Variants in FARS2 observed in about 807,000 individuals in gnomAD.
The protein encoded by FARS2 is phenylalanine--tRNA ligase, mitochondrial.
A neutral mutation model predicts 46.4 loss-of-function variants in FARS2; 40 were observed. The ratio of observed to expected loss-of-function variants is 0.86; its 90% CI spans 0.67 to 1.12. The LOEUF (loss-of-function observed/expected upper bound fraction) is 1.12. Among genes scored for constraint, FARS2 ranks in the 50% most tolerant of loss-of-function variants. The pLI, the probability that FARS2 is intolerant of heterozygous loss-of-function variation, is 0.00. For synonymous variants in FARS2, 234 were observed against 214.9 expected (o/e 1.09, Z -0.78); for missense variants, 513 against 567.9 (o/e 0.90, Z 0.98).
chr6:5,626,768 A>G (rs1214187637), intron 6 of FARS2, among the ~76,000 whole-genome samples: 1 of 152,232 alleles, frequency 6.6e-6, no homozygotes, highest in East Asian at 1.9e-4. Flanking sequence ...GAACATAACT[A>G]TAGTCATGCA....
In FARS2 at chr6:5,581,934, C is replaced by G. The variant is rs1293534125; in HGVS notation, c.1066-31235C>G. On this transcript the variant is annotated intron_variant, in intron 5 of 6. Coordinates refer to ENST00000274680, the MANE Select transcript of FARS2 (RefSeq NM_006567.5). ...GCGCTTCTATAAATGGTCACAGTAA[C>G]ATACTTCCGGTTAATTCCTGATGTG... 2.0e-5 allele frequency among the ~76,000 whole-genome samples: 3 copies of G among 148,704 alleles called. No homozygotes were observed. In the East Asian group the frequency reaches 6.0e-4, roughly 30 times the overall value.
intron 6 of FARS2, among the ~76,000 whole-genome samples, chr6:5,691,538 G>A (rs1292379851): frequency 3.3e-5 from 5 of 152,158 alleles, no homozygotes; most frequent in Admixed American, 6.5e-5. Flanking sequence ...CTGCCTGATC[G>A]TTCCTCTGGA....
intron 5 of FARS2, among the ~76,000 whole-genome samples, chr6:5,602,670 A>AAAGGG (rs1554114901): frequency 5.1e-5 from 7 of 137,682 alleles, no homozygotes; most frequent in Admixed American, 1.6e-4. Context: ...AAAAAAAAAA[A>AAAGGG]GGGAACCTCC....
intron 1 of FARS2, among the ~76,000 whole-genome samples, chr6:5,292,350 T>C (rs1767563872): frequency 6.6e-6 from 1 of 152,218 alleles, no homozygotes; most frequent in African/African-American, 2.4e-5. Context: ...GAGGCATGTG[T>C]GTGAATTGGT....
At chr6:5,577,057 T>C (rs1286910768) in intron 5 of FARS2, among the ~76,000 whole-genome samples, 4 of 142,948 alleles carry the variant, frequency 2.8e-5, no homozygotes, top group Non-Finnish European at 6.1e-5. Flanking sequence ...ATTTCATGTA[T>C]ATAAATTTTA....
At chr6:5,726,626 GA>G (rs1338300560) in intron 6 of FARS2, among the ~76,000 whole-genome samples, 2 of 152,198 alleles carry the variant, frequency 1.3e-5, no homozygotes, top group Non-Finnish European at 2.9e-5. Flanking sequence ...GTAAAGGAGG[GA>G]GCATGTGCCC....
At chr6:5,369,287 C>A in intron 2 of FARS2, 105 bp downstream of exon 2, 1 of 1,173,854 alleles carries the variant, frequency 8.5e-7, no homozygotes, top group Non-Finnish European at 1.2e-6. Context: ...CCTTGCTTGC[C>A]TTATTTTGCC....
intron 6 of FARS2, among the ~76,000 whole-genome samples, chr6:5,663,863 G>A (rs1446712577): frequency 6.6e-6 from 1 of 152,244 alleles, no homozygotes; most frequent in Non-Finnish European, 1.5e-5. Context: ...CAGGGAAGAT[G>A]TACTCAGCAC....
chr6:5,302,947 G>A (rs1285072341), intron 1 of FARS2, among the ~76,000 whole-genome samples: 4 of 152,182 alleles, frequency 2.6e-5, no homozygotes, highest in African/African-American at 7.2e-5. Context: ...GCTGAGGAAC[G>A]AGAGTAAATA....
chr6:5,390,838 C>T (rs564260945), intron 2 of FARS2, among the ~76,000 whole-genome samples: 4 of 152,262 alleles, frequency 2.6e-5, no homozygotes, highest in Admixed American at 2.0e-4. Context: ...CACACAGTGC[C>T]TTCTTATGAA....
At chr6:5,705,651 G>T (rs998717922) in intron 6 of FARS2, among the ~76,000 whole-genome samples, 54 of 152,230 alleles carry the variant, frequency 3.5e-4, no homozygotes, top group African/African-American at 1.2e-3. Context: ...CTGCCCTTTT[G>T]GTCCCATCAT....
intron 6 of FARS2, among the ~76,000 whole-genome samples, chr6:5,732,392 A>G (rs565208315): frequency 6.6e-6 from 1 of 152,194 alleles, no homozygotes; most frequent in Non-Finnish European, 1.5e-5. Flanking sequence ...GGAAAGCCTC[A>G]CAGTCGGGCC....
At chr6:5,306,253 T>C (rs1217690750) in intron 1 of FARS2, among the ~76,000 whole-genome samples, 1 of 152,168 alleles carries the variant, frequency 6.6e-6, no homozygotes, top group Non-Finnish European at 1.5e-5. Flanking sequence ...TTTGGTTGTG[T>C]AGTTGAGATT....
intron 1 of FARS2, among the ~76,000 whole-genome samples, chr6:5,358,903 T>C (rs1214756394): frequency 2.6e-5 from 4 of 152,164 alleles, no homozygotes; most frequent in Admixed American, 6.5e-5. Context: ...ATGTTTCTCA[T>C]GGGTATAGAA....
rs146782489 is a variant in FARS2, at chr6:5,763,178, C to T, written c.1218-8113C>T. Among the ~76,000 whole-genome samples, 54 of 152,226 alleles carry T rather than the reference C, an allele frequency of 3.5e-4. 1 individual carries two copies. The highest frequency in any genetic ancestry group is 1.3e-3 in the African/African-American group (52 of 41,538). ...GGCTCCCATCGCTCATATCATGGGC[C>T]CATCCTAGCCTTGCCCTTTCTTCCT... On this transcript the variant is annotated intron_variant, in intron 6 of 6. Coordinates refer to ENST00000274680, the MANE Select transcript of FARS2 (RefSeq NM_006567.5).
rs570614289 is a variant in FARS2, at chr6:5,306,903, A to AT, written c.-22+45249dup. Among the ~76,000 whole-genome samples, 352 of 152,020 alleles carry AT rather than the reference A, an allele frequency of 2.3e-3. 1 individual carries two copies. Among genetic ancestry groups the AT allele is most frequent in the Non-Finnish European group, 4.4e-3 (301 of 68,010 alleles). On this transcript the variant is annotated intron_variant, in intron 1 of 6. Coordinates refer to ENST00000274680, the MANE Select transcript of FARS2 (RefSeq NM_006567.5). The stretch of plus-strand genomic sequence containing the variant: ...TTTGCTTGGTTTTGAAAGGATTAAC[A>AT]TTTTTTAACTGATAAATACGAATTT...
intron 6 of FARS2, among the ~76,000 whole-genome samples, chr6:5,637,521 A>C (rs73360292): frequency 0.013 from 1,987 of 152,296 alleles, 61 homozygotes; most frequent in African/African-American, 0.046. Context: ...AGCAGTCAAA[A>C]TCCAGGACCA....
chr6:5,431,281 G>A (rs979243334), intron 4 of FARS2, 109 bp downstream of exon 4: 23 of 1,086,774 alleles, frequency 2.1e-5, no homozygotes, highest in East Asian at 1.7e-4. Context: ...TGCGGGCAGC[G>A]GCATCACTGG....
intron 3 of FARS2, among the ~76,000 whole-genome samples, chr6:5,405,009 A>G (rs1228490668): frequency 1.3e-5 from 2 of 151,814 alleles, no homozygotes; most frequent in African/African-American, 2.4e-5. Context: ...ATGTTGGCCA[A>G]GCTATTCTCA....
Sources: allele counts gnomAD v4.1 joint callset (sites outside exome capture counted in the v4.1 genomes callset), GRCh38; gene constraint gnomAD v4.1.1; transcripts MANE v1.5; gene names NCBI Gene and HGNC (gene_info 2026-07-23, HGNC 2026-07-21).